GSE1: variants seen among roughly 807,000 people sequenced by gnomAD.
GSE1 encodes the protein Gse1 coiled-coil protein.
In GSE1, 32 loss-of-function variants were observed where a neutral mutation model predicts 112.6. That is an observed-to-expected ratio of 0.28 (90% CI 0.21 to 0.38). The LOEUF (loss-of-function observed/expected upper bound fraction) is 0.38. GSE1 is among the 10% of genes least tolerant of loss of function. GSE1 has a pLI of 1.00. For synonymous variants in GSE1, 1,115 were observed against 735.6 expected (o/e 1.52, Z -8.35); for missense variants, 2,348 against 1,699.2 (o/e 1.38, Z -6.71).
chr16:85,403,852 C>A (rs2048177466), intron 2 of GSE1, among the ~76,000 whole-genome samples: 1 of 152,110 alleles, frequency 6.6e-6, no homozygotes, highest in African/African-American at 2.4e-5. Context: ...AGTCTGGAGG[C>A]CAGAACTCCA....
intron 1 of GSE1, among the ~76,000 whole-genome samples, chr16:85,339,080 GCT>G (rs1488640808): frequency 8.5e-5 from 13 of 152,158 alleles, no homozygotes; most frequent in Non-Finnish European, 1.9e-4. Context: ...CCCCAACCCT[GCT>G]CTCTTCCCCT....
rs78146182 is a variant in GSE1, at chr16:85,435,417, G to A, written c.2464+77774G>A. ...CTCCCTCTGCCCAGCTCTAGAGATCGAGACCTGCACCCTCCCTCCCTCTCC... is the reference window on the plus strand; with the variant it reads ...CTCCCTCTGCCCAGCTCTAGAGATCAAGACCTGCACCCTCCCTCCCTCTCC... On this transcript the variant is annotated intron_variant, in intron 2 of 2. Transcript: ENST00000637419. Among the ~76,000 whole-genome samples, 410 of 152,236 alleles carry A rather than the reference G, an allele frequency of 2.7e-3. 4 individuals carry two copies. The highest frequency in any genetic ancestry group is 9.4e-3 in the African/African-American group (391 of 41,538).
rs1007710662 is a variant in GSE1 at position 85,674,693 on chromosome 16, ACCAT to A, written c.*2158_*2161del. The A allele has an allele frequency of 5.9e-5, 9 of 152,244 alleles. No homozygotes were observed. Among genetic ancestry groups the A allele is most frequent in the African/African-American group, 1.9e-4 (8 of 41,450 alleles). 9.4% of individuals were successfully genotyped at this position (152,244 alleles called of 1,614,324 possible). A position where few individuals can be genotyped will look rare whatever the true frequency, so the allele number is the denominator to read the frequency against. On this transcript the variant is annotated 3_prime_UTR_variant, in exon 16 of 16. Coordinates refer to ENST00000253458, the MANE Select transcript of GSE1 (RefSeq NM_014615.5). The stretch of plus-strand genomic sequence containing the variant: ...AACTTAAAAACGTAGCTCATCCCTT[ACCAT>A]CCAAGGGGCACTCCCTTGGTTGGAT...
chr16:85,292,314 GTTTTT>G (rs1411141764), intron 1 of GSE1, among the ~76,000 whole-genome samples: 3 of 97,678 alleles, frequency 3.1e-5, no homozygotes, highest in African/African-American at 1.2e-4. Context: ...AATTTTTGTT[GTTTTT>G]TTGTTTTTGT....
intron 2 of GSE1, among the ~76,000 whole-genome samples, chr16:85,375,873 G>C (rs2047409201): frequency 6.6e-6 from 1 of 152,230 alleles, no homozygotes; most frequent in Non-Finnish European, 1.5e-5. Flanking sequence ...CTGCATGCCA[G>C]CTCTCGTGCG....
At chr16:85,445,074 C>G (rs2049475722) in intron 2 of GSE1, among the ~76,000 whole-genome samples, 1 of 152,254 alleles carries the variant, frequency 6.6e-6, no homozygotes, top group Admixed American at 6.5e-5. Context: ...ACGCCTTGCC[C>G]TTGATCTTCC....
chr16:85,336,988 A>T (rs1441355545), intron 1 of GSE1, among the ~76,000 whole-genome samples: 2 of 82,840 alleles, frequency 2.4e-5, no homozygotes, highest in African/African-American at 9.8e-5. Flanking sequence ...ATGGGCACAC[A>T]CACAGACATG....
intron 2 of GSE1, among the ~76,000 whole-genome samples, chr16:85,454,376 G>T (rs2049767440): frequency 6.6e-6 from 1 of 152,224 alleles, no homozygotes; most frequent in Admixed American, 6.5e-5. Context: ...CCAGCAGATG[G>T]CTCCAAGCCA....
chr16:85,367,455 G>A (rs953687757), intron 2 of GSE1, among the ~76,000 whole-genome samples: 3 of 152,262 alleles, frequency 2.0e-5, no homozygotes, highest in Non-Finnish European at 4.4e-5. Flanking sequence ...AGATATTCAA[G>A]AGGAAGGCAG....
At position 85,657,557 on chromosome 16, in the gene GSE1, G is replaced by A; in HGVS notation, c.1593G>A (p.Arg531=). The A allele has an allele frequency of 6.3e-7, 1 of 1,578,910 alleles. No homozygotes were observed. Among genetic ancestry groups the A allele is most frequent in the Admixed American group, 1.8e-5 (1 of 55,954 alleles). The change falls in exon 8 of 16, where the codon CGG becomes CGA. Residue 531 remains arginine, a synonymous_variant. Transcript: ENST00000253458. ...QVLEQHLDMG[R]PPVPAEAEHR... ...TGGAGCAGCACCTGGATATGGGCCG[G>A]CCCCCGGTGCCGGCGGAGGCAGAGC...
intron 1 of GSE1, among the ~76,000 whole-genome samples, chr16:85,357,078 C>T (rs752900524): frequency 1.3e-5 from 2 of 152,224 alleles, no homozygotes; most frequent in Non-Finnish European, 2.9e-5. Flanking sequence ...CGCCAGGGGA[C>T]AGGACAAGGC....
At chr16:85,466,222 C>G (rs2050116510) in intron 2 of GSE1, among the ~76,000 whole-genome samples, 1 of 152,232 alleles carries the variant, frequency 6.6e-6, no homozygotes, top group South Asian at 2.1e-4. Context: ...AGCTGACCTG[C>G]TCTGCCAGGG....
chr16:85,582,856 A>T (rs1193612027), intron 1 of GSE1, among the ~76,000 whole-genome samples: 1 of 152,210 alleles, frequency 6.6e-6, no homozygotes, highest in Non-Finnish European at 1.5e-5. Flanking sequence ...AGGCAGCACA[A>T]ACTGTGGCAT....
intron 1 of GSE1, among the ~76,000 whole-genome samples, chr16:85,355,865 A>G (rs1317918933): frequency 6.6e-6 from 1 of 152,030 alleles, no homozygotes; most frequent in Non-Finnish European, 1.5e-5. Flanking sequence ...TACTAAAGAA[A>G]CAAAAAACAA....
intron 2 of GSE1, among the ~76,000 whole-genome samples, chr16:85,420,099 C>T (rs745476896): frequency 4.6e-5 from 5 of 109,346 alleles, no homozygotes; most frequent in East Asian, 1.1e-3. Flanking sequence ...GAGCAGTGTG[C>T]TCAGGCCAGA....
rs575608973 is a variant in GSE1 at position 85,338,699 on chromosome 16, C to G, written c.2284-18764C>G. Reference sequence around the variant, plus strand: ...GTCTAAATACACCCATCTTGAGTCACTTTTTTCCCCCTGTGAGGTAGCTAG... The same window carrying G: ...GTCTAAATACACCCATCTTGAGTCAGTTTTTTCCCCCTGTGAGGTAGCTAG... On this transcript the variant is annotated intron_variant, in intron 1 of 2. Transcript: ENST00000637419. 7.2e-5 allele frequency among the ~76,000 whole-genome samples: 11 copies of G among 152,300 alleles called. No individual in the cohort carries two copies. In the East Asian group the frequency reaches 1.9e-3, roughly 27 times the overall value.
rs576846314 is a variant in GSE1 at position 85,251,142 on chromosome 16, C to T, written c.2283+79335C>T. ...GAGCATGCCTGTGGACGCGCGTCTC[C>T]ATCCCCTCAGACATGTGCCTTGGTA... is the stretch of plus-strand genomic sequence containing the variant. On this transcript the variant is annotated intron_variant, in intron 1 of 2. Transcript: ENST00000637419. 2.1e-4 allele frequency among the ~76,000 whole-genome samples: 32 copies of T among 152,350 alleles called. No homozygotes were observed. The South Asian group carries it at 6.6e-3, about 32-fold the overall frequency.
At chr16:85,223,538 A>C (rs561138782) in intron 1 of GSE1, among the ~76,000 whole-genome samples, 5 of 152,068 alleles carry the variant, frequency 3.3e-5, no homozygotes, top group Admixed American at 1.3e-4. Flanking sequence ...ACAACAACAA[A>C]AAAATTGTGG....
In GSE1 at chr16:85,669,086, G is replaced by A. The variant is rs527611722; in HGVS notation, c.3415+662G>A. Among the ~76,000 whole-genome samples, 482 of 152,356 alleles carry A rather than the reference G, an allele frequency of 3.2e-3. 4 individuals carry two copies. The highest frequency in any genetic ancestry group is 0.011 in the African/African-American group (443 of 41,578). ...GAGTGGGGCCACGAAGTTGGGCGTT[G>A]CAGCATTTGATGCTCCTGTATACTG... On this transcript the variant is annotated intron_variant, in intron 14 of 15. Coordinates refer to ENST00000253458, the MANE Select transcript of GSE1 (RefSeq NM_014615.5).
Sources: gnomAD v4.1 joint callset for allele counts (sites outside exome capture counted in the v4.1 genomes callset) on GRCh38, gnomAD v4.1.1 for gene constraint, MANE v1.5 for transcripts, NCBI Gene and HGNC (gene_info 2026-07-23, HGNC 2026-07-21) for gene names.